PITPNM2: variants seen among roughly 807,000 people sequenced by gnomAD.
The protein encoded by PITPNM2 is phosphatidylinositol transfer protein membrane associated 2, also known as membrane-associated phosphatidylinositol transfer protein 2.
Under a neutral mutation model 132.2 loss-of-function variants are expected in PITPNM2, and 35 were observed. That is an observed-to-expected ratio of 0.26 (90% CI 0.20 to 0.35). PITPNM2 has a LOEUF of 0.35. PITPNM2 is among the 10% of genes least tolerant of loss of function. The pLI, the probability that PITPNM2 is intolerant of heterozygous loss-of-function variation, is 1.00. For synonymous variants in PITPNM2, 738 were observed against 799.2 expected, an observed-to-expected ratio of 0.92 and a Z score of 1.29; for missense variants, 1,332 against 1,912.0, an observed-to-expected ratio of 0.70 and a Z score of 5.66.
Position 122,988,356 on chromosome 12 carries a change from AAG to A in PITPNM2, c.2881-8_2881-7del, listed in dbSNP as rs1184537601. On this transcript the variant is annotated splice_region_variant and splice_polypyrimidine_tract_variant and intron_variant, in intron 19 of 25. Coordinates refer to ENST00000320201, the MANE Select transcript of PITPNM2 (RefSeq NM_020845.3). ...GAGTTGTCATGCCTCATGACCTGGGAAGAGGGGACAGTGCAGGCTGTGGGGCA... is the reference window on the plus strand; with the variant it reads ...GAGTTGTCATGCCTCATGACCTGGGAAGGGGACAGTGCAGGCTGTGGGGCA... The A allele has an allele frequency of 1.9e-6, 3 of 1,612,190 alleles. No individual in the cohort carries two copies. In the East Asian group the frequency reaches 6.7e-5, roughly 36 times the overall value.
At chr12:123,042,761 T>C (rs1003174663) in intron 2 of PITPNM2, among the ~76,000 whole-genome samples, 4 of 152,058 alleles carry the variant, frequency 2.6e-5, no homozygotes, top group African/African-American at 9.7e-5. Context: ...AAGCAGGCAA[T>C]GGTAAAAGTA....
intron 2 of PITPNM2, among the ~76,000 whole-genome samples, chr12:123,051,604 G>T (rs1324670990): frequency 2.6e-5 from 4 of 152,174 alleles, no homozygotes; most frequent in African/African-American, 9.7e-5. Flanking sequence ...CTTAAATATT[G>T]CAGCATCTGA....
At chr12:123,039,051 A>G (rs1198820078) in intron 2 of PITPNM2, among the ~76,000 whole-genome samples, 1 of 150,962 alleles carries the variant, frequency 6.6e-6, no homozygotes, top group Non-Finnish European at 1.5e-5. Flanking sequence ...GACTCAATCC[A>G]GTAAGAAGGA....
intron 2 of PITPNM2, among the ~76,000 whole-genome samples, chr12:123,080,493 C>T (rs1393200387): frequency 6.6e-6 from 1 of 152,238 alleles, no homozygotes; most frequent in Non-Finnish European, 1.5e-5. Flanking sequence ...AAACTGAGTG[C>T]TCATCTCACC....
At chr12:123,144,811 C>T (rs1291138551) in intron 1 of PITPNM2, among the ~76,000 whole-genome samples, 1 of 152,174 alleles carries the variant, frequency 6.6e-6, no homozygotes, top group African/African-American at 2.4e-5. Flanking sequence ...GTAATCCACC[C>T]GCCTCGGCCT....
rs2042955428 is a variant in PITPNM2 at position 123,117,528 on chromosome 12, G to A, written c.-199-7040C>T. On this transcript the variant is annotated intron_variant, in intron 1 of 25. Transcript: ENST00000320201. The surrounding 1 kb of genome is among the most constrained non-coding windows in gnomAD (Gnocchi z 4.7). ...TCCCCATCTGTAGAGTGAGGAGGCT[G>A]GGCTTCATGACCTCTGAAAGGGTTC... Among the ~76,000 whole-genome samples the A allele has an allele frequency of 1.3e-5, 2 of 152,146 alleles. 1 individual carries two copies. Among genetic ancestry groups the A allele is most frequent in the South Asian group, 4.1e-4 (2 of 4,828 alleles).
In PITPNM2 at chr12:123,127,933, A is replaced by G. The variant is rs938300284; in HGVS notation, c.-199-17445T>C. On this transcript the variant is annotated intron_variant, in intron 1 of 25. Transcript: ENST00000320201. ...CTGCCTCTTTTTCCTAGCCTGTTGC[A>G]TTGGCTTGAATCTAGAATAAAGAAC... Among the ~76,000 whole-genome samples, 4 of 152,146 alleles carry G rather than the reference A, an allele frequency of 2.6e-5. No individual in the cohort carries two copies. The East Asian group carries it at 5.8e-4, about 22-fold the overall frequency.
intron 1 of PITPNM2, among the ~76,000 whole-genome samples, chr12:123,144,718 C>A (rs1238437681): frequency 2.0e-5 from 3 of 152,198 alleles, no homozygotes; most frequent in Non-Finnish European, 4.4e-5. Flanking sequence ...GCATGAGCCA[C>A]TGTGCCCAGC....
chr12:123,067,874 C>G (rs1229696059), intron 2 of PITPNM2, among the ~76,000 whole-genome samples: 1 of 152,216 alleles, frequency 6.6e-6, no homozygotes, highest in Non-Finnish European at 1.5e-5. Context: ...TGCAGGAGAA[C>G]AGCCAATGGG....
chr12:123,012,768 T>G, intron 4 of PITPNM2, 34 bp from the exon 5 acceptor site: 1 of 1,609,802 alleles, frequency 6.2e-7, no homozygotes, highest in Non-Finnish European at 8.5e-7. Flanking sequence ...TCAGGACCTG[T>G]CCTTGGAGAG....
At chr12:122,996,403 G>C (rs944055223) in intron 13 of PITPNM2, 55 bp downstream of exon 13, 132 of 1,601,868 alleles carry the variant, frequency 8.2e-5, no homozygotes, top group Non-Finnish European at 1.1e-4. Context: ...AGCCACCCTG[G>C]GGGCGTGCAG....
intron 18 of PITPNM2, 73 bp downstream of exon 18, chr12:122,989,714 G>A (rs2038101831): frequency 1.5e-6 from 2 of 1,297,400 alleles, no homozygotes; most frequent in Admixed American, 3.0e-5. Flanking sequence ...GGTCTAGGTG[G>A]GCAGAGCCTG....
chr12:123,089,843 C>G (rs2042211201), intron 2 of PITPNM2: 1 of 152,176 alleles, frequency 6.6e-6, no homozygotes, highest in Non-Finnish European at 1.5e-5. Flanking sequence ...GTGAAAAGGC[C>G]TTGCTGTGAG....
chr12:123,044,697 G>A (rs950862256), intron 2 of PITPNM2, among the ~76,000 whole-genome samples: 2 of 152,192 alleles, frequency 1.3e-5, no homozygotes, highest in Non-Finnish European at 2.9e-5. Flanking sequence ...CACAGCTCCT[G>A]CAGTCCTACT....
chr12:123,035,704 C>T (rs1312760824), intron 2 of PITPNM2, among the ~76,000 whole-genome samples: 7 of 151,924 alleles, frequency 4.6e-5, no homozygotes, highest in Admixed American at 4.6e-4. Context: ...GGAAGAGGCG[C>T]ATACTCAGTT....
chr12:123,080,132 C>A (rs1428371068), intron 2 of PITPNM2, among the ~76,000 whole-genome samples: 2 of 152,156 alleles, frequency 1.3e-5, no homozygotes, highest in African/African-American at 2.4e-5. Context: ...TGAATCATAT[C>A]CCAGTACATG....
chr12:123,007,166 C>T (rs747202549), intron 6 of PITPNM2, among the ~76,000 whole-genome samples: 7 of 152,110 alleles, frequency 4.6e-5, no homozygotes, highest in Non-Finnish European at 8.8e-5. Flanking sequence ...TGCTGAATTC[C>T]GCATCTATGT....
At chr12:123,136,619 C>G (rs891980479) in intron 1 of PITPNM2, among the ~76,000 whole-genome samples, 1 of 152,130 alleles carries the variant, frequency 6.6e-6, no homozygotes, top group African/African-American at 2.4e-5. Flanking sequence ...AGCACTTGGC[C>G]AGGCATGGTG....
chr12:123,126,317 C>A (rs1053887952), intron 1 of PITPNM2, among the ~76,000 whole-genome samples: 5 of 152,098 alleles, frequency 3.3e-5, no homozygotes, highest in Non-Finnish European at 5.9e-5. Flanking sequence ...CTTGGGAATT[C>A]TTGCCCTATT....
Sources: gnomAD v4.1 joint callset for allele counts (sites outside exome capture counted in the v4.1 genomes callset) on GRCh38, gnomAD v4.1.1 for gene constraint, Gnocchi (gnomAD v3.1) non-coding constraint, MANE v1.5 for transcripts, NCBI Gene and HGNC (gene_info 2026-07-23, HGNC 2026-07-21) for gene names.